Variants in PTPRT observed in about 807,000 individuals in gnomAD.
PTPRT encodes the protein receptor-type tyrosine-protein phosphatase T.
Under a neutral mutation model 176.8 loss-of-function variants are expected in PTPRT, and 56 were observed. The observed-to-expected ratio is 0.32, with a 90% CI of 0.26 to 0.40. PTPRT has a LOEUF of 0.40. Among genes scored for constraint, PTPRT ranks in the 10% least tolerant of loss-of-function variants. The probability of loss-of-function intolerance (pLI) is 1.00; values close to 1 mark genes in which losing one functional copy is unlikely to be tolerated. For missense variants in PTPRT, 1,540 were observed against 1,908.2 expected (o/e 0.81, Z 3.60); for synonymous variants, 783 against 739.0 (o/e 1.06, Z -0.96).
the PTPRT span, among the ~76,000 whole-genome samples, chr20:42,040,915 G>A: frequency 6.6e-6 from 1 of 152,150 alleles, no homozygotes; most frequent in African/African-American, 2.4e-5. Context: ...TCACCTGGAG[G>A]AAGGATTTTC....
At chr20:42,463,103 AC>A (rs1259912195) in intron 8 of PTPRT, among the ~76,000 whole-genome samples, 1 of 152,080 alleles carries the variant, frequency 6.6e-6, no homozygotes, top group Non-Finnish European at 1.5e-5. Context: ...GGCTCTTTCC[AC>A]CCACCACATT....
At chr20:42,508,024 C>T (rs1305365080) in intron 7 of PTPRT, among the ~76,000 whole-genome samples, 2 of 151,722 alleles carry the variant, frequency 1.3e-5, no homozygotes, top group African/African-American at 2.4e-5. Context: ...TATCTTTAAT[C>T]ATCAAATGGC....
At chr20:43,141,057 C>T (rs147798055) in intron 1 of PTPRT, among the ~76,000 whole-genome samples, 137 of 152,254 alleles carry the variant, frequency 9.0e-4, no homozygotes, top group African/African-American at 3.1e-3. Flanking sequence ...CTGATAATCT[C>T]GATAATATTT....
chr20:42,040,649 T>C, the PTPRT span, among the ~76,000 whole-genome samples: 1 of 152,216 alleles, frequency 6.6e-6, no homozygotes, highest in Non-Finnish European at 1.5e-5. Context: ...CTCAGTTTCT[T>C]AGCAGTAACA....
intron 1 of PTPRT, among the ~76,000 whole-genome samples, chr20:42,926,017 G>A (rs1979459041): frequency 6.6e-6 from 1 of 152,178 alleles, no homozygotes; most frequent in Admixed American, 6.5e-5. Context: ...GCTAGACCCT[G>A]CCAGGTAAAG....
At chr20:42,202,623 CCTT>C (rs1184285087) in intron 15 of PTPRT, among the ~76,000 whole-genome samples, 5 of 152,276 alleles carry the variant, frequency 3.3e-5, no homozygotes, top group African/African-American at 1.2e-4. Flanking sequence ...GTATATGTGA[CCTT>C]CTTAATCATA....
intron 1 of PTPRT, among the ~76,000 whole-genome samples, chr20:42,938,254 T>C (rs372878964): frequency 1.3e-5 from 2 of 152,156 alleles, no homozygotes; most frequent in South Asian, 2.1e-4. Context: ...TCAGTATCTG[T>C]AACTCATAAA....
At chr20:42,900,188 G>A (rs2079378130) in intron 1 of PTPRT, among the ~76,000 whole-genome samples, 1 of 152,208 alleles carries the variant, frequency 6.6e-6, no homozygotes, top group Middle Eastern at 3.2e-3. Flanking sequence ...CTAGCAGGTG[G>A]TAGAAGAAAA....
intron 11 of PTPRT, among the ~76,000 whole-genome samples, chr20:42,345,287 A>G (rs758211473): frequency 1.3e-5 from 2 of 151,864 alleles, no homozygotes; most frequent in Non-Finnish European, 2.9e-5. Flanking sequence ...CACAGCACAC[A>G]TATAGGACAT....
the PTPRT span, among the ~76,000 whole-genome samples, chr20:42,058,244 G>A: frequency 6.6e-6 from 1 of 152,130 alleles, no homozygotes; most frequent in Non-Finnish European, 1.5e-5. Context: ...CTCTTCATCT[G>A]CAGGTATTTT....
At chr20:42,212,313 A>G (rs1402960453) in intron 15 of PTPRT, among the ~76,000 whole-genome samples, 2 of 91,916 alleles carry the variant, frequency 2.2e-5, no homozygotes, top group Non-Finnish European at 4.8e-5. Flanking sequence ...AAAAAAAAAA[A>G]AAGACAAAAA....
At chr20:42,412,510 A>G (rs934911955) in intron 9 of PTPRT, among the ~76,000 whole-genome samples, 1 of 152,230 alleles carries the variant, frequency 6.6e-6, no homozygotes, top group African/African-American at 2.4e-5. Context: ...AGCTTCTTAT[A>G]AACTTATACT....
At chr20:42,757,727 T>C (rs1454296482) in intron 5 of PTPRT, among the ~76,000 whole-genome samples, 2 of 152,222 alleles carry the variant, frequency 1.3e-5, no homozygotes, top group Non-Finnish European at 2.9e-5. Flanking sequence ...GGTAGACATC[T>C]CTAGAATCAA....
At chr20:43,024,812 T>G (rs1043522114) in intron 1 of PTPRT, among the ~76,000 whole-genome samples, 1 of 152,204 alleles carries the variant, frequency 6.6e-6, no homozygotes, top group African/African-American at 2.4e-5. Context: ...CAACACATGC[T>G]AGGCTCATCA....
chr20:42,808,736 C>A (rs895412580), intron 2 of PTPRT, among the ~76,000 whole-genome samples: 6 of 152,154 alleles, frequency 3.9e-5, no homozygotes, highest in African/African-American at 1.4e-4. Context: ...TTATCCACTA[C>A]TGGGAGGCTG....
intron 7 of PTPRT, among the ~76,000 whole-genome samples, chr20:42,532,031 G>A (rs1256302804): frequency 5.3e-5 from 8 of 152,290 alleles, no homozygotes; most frequent in East Asian, 1.9e-4. Context: ...GTCAGTGGCC[G>A]TAACTTGGGC....
At chr20:42,624,020 C>CAAACAAAAA (rs1282440276) in intron 7 of PTPRT, among the ~76,000 whole-genome samples, 7 of 114,112 alleles carry the variant, frequency 6.1e-5, no homozygotes, top group Non-Finnish European at 1.2e-4. Context: ...AACAAACAAA[C>CAAACAAAAA]AAACAAAAAA....
chr20:42,084,538 A>C, intron 29 of PTPRT, 144 bp downstream of exon 29: 1 of 639,886 alleles, frequency 1.6e-6, no homozygotes, highest in Non-Finnish European at 2.3e-6. Flanking sequence ...ATTCCTTTGA[A>C]TGTACTGCCA....
chr20:42,755,008 C>T (rs2076810675), intron 6 of PTPRT, among the ~76,000 whole-genome samples: 1 of 151,974 alleles, frequency 6.6e-6, no homozygotes, highest in Admixed American at 6.6e-5. Flanking sequence ...CAAAAAGTCA[C>T]CAAGTAAACA....
Sources: allele counts gnomAD v4.1 joint callset (sites outside exome capture counted in the v4.1 genomes callset), GRCh38; gene constraint gnomAD v4.1.1; transcripts MANE v1.5; gene names NCBI Gene and HGNC (gene_info 2026-07-23, HGNC 2026-07-21).